Variants in HLCS observed in about 807,000 individuals in gnomAD.
The protein encoded by HLCS is biotin--protein ligase.
Under a neutral mutation model 75.0 loss-of-function variants are expected in HLCS, and 53 were observed. That is an observed-to-expected ratio of 0.71 (90% CI 0.57 to 0.89). The LOEUF is 0.89. Among genes scored for constraint, HLCS ranks in the 40% least tolerant of loss-of-function variants. The pLI, the probability that HLCS is intolerant of heterozygous loss-of-function variation, is 0.00. For synonymous variants in HLCS, 431 were observed against 428.6 expected, an observed-to-expected ratio of 1.01 and a Z score of -0.07; for missense variants, 966 against 1,074.0, an observed-to-expected ratio of 0.90 and a Z score of 1.41.
At chr21:36,941,482 A>G (rs1344363099) in intron 2 of HLCS, among the ~76,000 whole-genome samples, 1 of 152,266 alleles carries the variant, frequency 6.6e-6, no homozygotes, top group African/African-American at 2.4e-5. Context: ...AAACAGATTC[A>G]TGGACAACTG....
upstream of HLCS, among the ~76,000 whole-genome samples, chr21:36,967,318 G>GT (rs1203882784): frequency 1.3e-5 from 2 of 152,086 alleles, no homozygotes; most frequent in Non-Finnish European, 2.9e-5. Flanking sequence ...ATGCAATAAT[G>GT]TTTTTTTAAA....
At chr21:36,927,759 T>A (rs1031176625) in intron 5 of HLCS, among the ~76,000 whole-genome samples, 1 of 152,200 alleles carries the variant, frequency 6.6e-6, no homozygotes, top group African/African-American at 2.4e-5. Flanking sequence ...AGAACAACTT[T>A]ATAGTTCTAG....
At chr21:36,893,234 G>A (rs947438488) in intron 6 of HLCS, among the ~76,000 whole-genome samples, 2 of 151,968 alleles carry the variant, frequency 1.3e-5, no homozygotes, top group East Asian at 1.9e-4. Flanking sequence ...CAACTGCCTG[G>A]CTAATTTTTG....
At chr21:36,966,825 G>T (rs918954466), upstream of HLCS, among the ~76,000 whole-genome samples, 12 of 147,280 alleles carry the variant, frequency 8.1e-5, no homozygotes, top group South Asian at 2.1e-4. Flanking sequence ...AGGGGCGGGG[G>T]GGGGTGAGGC....
At chr21:36,799,159 G>A (rs1407251049) in intron 6 of HLCS, among the ~76,000 whole-genome samples, 1 of 152,068 alleles carries the variant, frequency 6.6e-6, no homozygotes, top group East Asian at 1.9e-4. Flanking sequence ...ACTAAATTTA[G>A]GTCTATGATC....
At chr21:36,927,023 G>C (rs1253130866) in intron 5 of HLCS, among the ~76,000 whole-genome samples, 1 of 152,246 alleles carries the variant, frequency 6.6e-6, no homozygotes, top group Non-Finnish European at 1.5e-5. Context: ...TGGGATTACA[G>C]GCTTGAGCCA....
At chr21:36,869,265 C>T (rs2063687803) in intron 6 of HLCS, among the ~76,000 whole-genome samples, 1 of 152,136 alleles carries the variant, frequency 6.6e-6, no homozygotes, top group Non-Finnish European at 1.5e-5. Context: ...GCTGGGACTA[C>T]AGGCGCCCGC....
At chr21:36,851,650 A>G in intron 6 of HLCS, among the ~76,000 whole-genome samples, 1 of 152,346 alleles carries the variant, frequency 6.6e-6, no homozygotes, top group South Asian at 2.1e-4. Context: ...TTTTAATTGT[A>G]CATTTTTAAA....
chr21:36,884,168 ACC>A (rs1306014628), intron 6 of HLCS, among the ~76,000 whole-genome samples: 1 of 152,234 alleles, frequency 6.6e-6, no homozygotes, highest in East Asian at 1.9e-4. Flanking sequence ...GCTTTCAGGC[ACC>A]AGATAAAAGA....
chr21:36,937,360 C>G lies in HLCS; in HGVS notation c.526G>C (p.Val176Leu). 5 of 1,613,938 alleles carry G rather than the reference C, an allele frequency of 3.1e-6. No homozygotes were observed. Among genetic ancestry groups the G allele is most frequent in the Non-Finnish European group, 4.2e-6 (5 of 1,180,040 alleles). The change falls in exon 4 of 11, where the codon GTT (valine) becomes CTT (leucine). Residue 176 changes from valine (V) to leucine (L), a missense_variant. By Grantham distance (32) the Val-to-Leu change is conservative (BLOSUM62 1). Coordinates refer to ENST00000674895, the MANE Select transcript of HLCS (RefSeq NM_001352514.2). ...TGCTTGTTTGAGACCTGATCCTTAA[C>G]TTCCTTCAGAGTGGAGTCCTGCAAG... ...VHLQDSTLKE[V>L]KDQVSNKQAQ...
chr21:36,758,218 C>CTG lies in HLCS; in HGVS notation c.2237-1464_2237-1463insCA, dbSNP rs1295229976. On this transcript the variant is annotated intron_variant, in intron 9 of 10. Coordinates refer to ENST00000674895, the MANE Select transcript of HLCS (RefSeq NM_001352514.2). ...ACCTCCTGAGCTCAGGTGATTTTCC[C>CTG]ATCTCAGCCTCCTGAGTAGCTAGGA... Among the ~76,000 whole-genome samples, 7 of 152,132 alleles carry CTG rather than the reference C, an allele frequency of 4.6e-5. No individual in the cohort carries two copies. In the East Asian group the frequency reaches 1.4e-3, roughly 29 times the overall value.
intron 6 of HLCS, among the ~76,000 whole-genome samples, chr21:36,888,299 T>C (rs887591386): frequency 6.6e-6 from 1 of 151,762 alleles, no homozygotes; most frequent in African/African-American, 2.4e-5. Flanking sequence ...GGGGAAAAGA[T>C]GTTTGGGACT....
At chr21:36,892,086 GCAAA>G (rs2064809506) in intron 6 of HLCS, among the ~76,000 whole-genome samples, 1 of 152,170 alleles carries the variant, frequency 6.6e-6, no homozygotes, top group South Asian at 2.1e-4. Flanking sequence ...CCAATCAGAA[GCAAA>G]CAGACTAGAG....
At chr21:36,781,750 C>G (rs7278768) in intron 6 of HLCS, among the ~76,000 whole-genome samples, 31,272 of 152,006 alleles carry the variant, frequency 0.21, 3,424 homozygotes, top group African/African-American at 0.29. Flanking sequence ...CAATGCCAAA[C>G]AGAGGTGGAG....
intron 5 of HLCS, among the ~76,000 whole-genome samples, chr21:36,914,376 T>C (rs1167468848): frequency 6.6e-5 from 10 of 152,214 alleles, no homozygotes; most frequent in Admixed American, 6.5e-4. Context: ...CCCCCAGGAA[T>C]ATGAGTTCCT....
At chr21:36,913,993 G>A (rs2146413757) in intron 5 of HLCS, among the ~76,000 whole-genome samples, 1 of 152,178 alleles carries the variant, frequency 6.6e-6, no homozygotes, top group Non-Finnish European at 1.5e-5. Context: ...AACAAGGAAG[G>A]GGTGCCAAAG....
At chr21:36,821,557 C>T (rs1171267934) in intron 6 of HLCS, among the ~76,000 whole-genome samples, 7 of 152,260 alleles carry the variant, frequency 4.6e-5, no homozygotes, top group Non-Finnish European at 1.0e-4. Context: ...AAACCTCCTG[C>T]TCTGCGCTTT....
intron 6 of HLCS, among the ~76,000 whole-genome samples, chr21:36,804,441 A>C (rs1010040955): frequency 3.3e-5 from 5 of 152,180 alleles, no homozygotes; most frequent in African/African-American, 9.7e-5. Flanking sequence ...TCAGAAGCTG[A>C]GCTTCTCCAG....
intron 1 of HLCS, chr21:36,971,793 C>A (rs1409725054): frequency 6.9e-6 from 1 of 145,556 alleles, no homozygotes; most frequent in Admixed American, 7.0e-5. Context: ...TGCACCACTG[C>A]ACTCAAGCCT....
Sources: allele counts gnomAD v4.1 joint callset (sites outside exome capture counted in the v4.1 genomes callset), GRCh38; gene constraint gnomAD v4.1.1; transcripts MANE v1.5; gene names NCBI Gene and HGNC (gene_info 2026-07-23, HGNC 2026-07-21).